The following NOP53 variants were observed in gnomAD, a reference collection of about 807,000 sequenced individuals.
NOP53 encodes NOP53 ribosome biogenesis factor.
Under a neutral mutation model 61.0 loss-of-function variants are expected in NOP53, and 40 were observed. The observed-to-expected ratio is 0.66, with a 90% CI of 0.51 to 0.85. The LOEUF (loss-of-function observed/expected upper bound fraction) is 0.85, where lower values mean the gene tolerates loss of function less well. Ranked by LOEUF, NOP53 falls within the 40% of genes least tolerant of loss-of-function variation. The probability of loss-of-function intolerance (pLI) is 0.00; values close to 1 mark genes in which losing one functional copy is unlikely to be tolerated. For synonymous variants in NOP53, 308 were observed against 289.5 expected (o/e 1.06, Z -0.65); for missense variants, 689 against 652.9 (o/e 1.06, Z -0.60).
In NOP53 at chr19:47,751,059, C is replaced by A; in HGVS notation, c.550C>A (p.Pro184Thr). ...NPSATRAKPG[P>T]QDTVERPFYD... ...TTCTGCAACAAGGGCCAAGCCCGGG[C>A]CCCAGGACACCGTAGAGCGGCCCTT... The change falls in exon 4 of 13, where the codon CCC (proline) becomes ACC (threonine). Residue 184 changes from proline to threonine, a missense_variant. Transcript: ENST00000246802. 6.2e-7 allele frequency: 1 copy of A among 1,608,424 alleles called. No homozygotes were observed. Among genetic ancestry groups the A allele is most frequent in the Non-Finnish European group, 8.5e-7 (1 of 1,178,142 alleles).
chr19:47,750,796 A>G lies in NOP53; in HGVS notation c.399-112A>G, dbSNP rs989601046. ...GGGGGCGGAGTGCCACCTTTTGGAGAGGGGGTGCTGAAGCTGCCTTAATGG... is the reference window on the plus strand; with the variant it reads ...GGGGGCGGAGTGCCACCTTTTGGAGGGGGGGTGCTGAAGCTGCCTTAATGG... On this transcript the variant is annotated intron_variant, in intron 3 of 12. Transcript: ENST00000246802. 4 of 826,878 alleles carry G rather than the reference A, an allele frequency of 4.8e-6. No individual in the cohort carries two copies. The African/African-American group carries it at 6.8e-5, about 14-fold the overall frequency. The allele number at this position is 826,878 out of a possible 1,614,324, so 51.2% of individuals were successfully genotyped here.
chr19:47,754,892 G>T lies in NOP53; in HGVS notation c.1053+1G>T. On this transcript the variant is annotated splice_donor_variant, in intron 8 of 12. Transcript: ENST00000246802. LOFTEE classifies it high-confidence loss of function. This position sits in a 1 kb window ranked among gnomAD's most constrained non-coding sequence, Gnocchi z 4.2. ...GCGGGAGAAGGCTGTGCACAGGCTGGTGAGCGCCTGGGCCAGCGGGGCCTG... is the reference window on the plus strand; with the variant it reads ...GCGGGAGAAGGCTGTGCACAGGCTGTTGAGCGCCTGGGCCAGCGGGGCCTG... 1.3e-6 allele frequency: 2 copies of T among 1,500,102 alleles called. No individual in the cohort carries two copies. Among genetic ancestry groups the T allele is most frequent in the Non-Finnish European group, 1.8e-6 (2 of 1,136,448 alleles). 92.9% of individuals were successfully genotyped at this position (1,500,102 alleles called of 1,614,324 possible). A position where few individuals can be genotyped will look rare whatever the true frequency, so the allele number is the denominator to read the frequency against.
intron 5 of NOP53, 130 bp downstream of exon 5, chr19:47,751,720 C>T (rs1181979049): frequency 2.7e-6 from 2 of 744,012 alleles, no homozygotes; most frequent in African/African-American, 1.7e-5. Flanking sequence ...GTGCTGGAGC[C>T]AGGTGGCTGG....
intron 8 of NOP53, 86 bp from the exon 9 acceptor site, chr19:47,755,262 G>T (rs1967176194): frequency 2.2e-6 from 2 of 912,056 alleles, no homozygotes; most frequent in Admixed American, 3.6e-5. Flanking sequence ...AGGCAGGTTT[G>T]TGCAGGGAAG....
Position 47,752,475 on chromosome 19 carries a change from C to A in NOP53, c.670-37C>A, listed in dbSNP as rs373684493. The stretch of plus-strand genomic sequence containing the variant: ...TGTCCTGGGTCACCCGCAGCCCCAA[C>A]GCACGGCCTTACCCTGCCTCGGCCT... On this transcript the variant is annotated intron_variant, in intron 5 of 12. Transcript: ENST00000246802. 1.2e-3 allele frequency: 1,562 copies of A among 1,314,352 alleles called. 29 individuals carry two copies. The South Asian group carries it at 0.017, about 14-fold the overall frequency. 81.4% of individuals were successfully genotyped at this position (1,314,352 alleles called of 1,614,324 possible).
intron 1 of NOP53, chr19:47,746,149 T>G: frequency 4.6e-6 from 1 of 216,736 alleles, no homozygotes; most frequent in Non-Finnish European, 9.3e-6. Flanking sequence ...TGTATATGTG[T>G]GTATATATAT....
intron 8 of NOP53, 133 bp from the exon 9 acceptor site, chr19:47,755,215 C>T (rs1348996141): frequency 2.5e-5 from 15 of 595,082 alleles, no homozygotes; most frequent in African/African-American, 4.0e-5. Flanking sequence ...CTGGAGGGGC[C>T]GCTGATGTGA....
At chr19:47,748,614 C>CTGGGTGCAG (rs2123671656) in intron 2 of NOP53, among the ~76,000 whole-genome samples, 1 of 152,232 alleles carries the variant, frequency 6.6e-6, no homozygotes, top group African/African-American at 2.4e-5. Flanking sequence ...TTATTAGAGT[C>CTGGGTGCAG]TGGGTGCAGT....
chr19:47,756,286 C>T, intron 10 of NOP53: 2 of 579,670 alleles, frequency 3.5e-6, no homozygotes, highest in South Asian at 2.2e-5. Flanking sequence ...GTCCCCTTTT[C>T]TGTGTCGTCA....
intron 2 of NOP53, 60 bp downstream of exon 2, chr19:47,747,091 A>G: frequency 7.7e-7 from 1 of 1,304,394 alleles, no homozygotes; most frequent in Non-Finnish European, 1.1e-6. Context: ...AGCTTACGGT[A>G]GCCTCTGAGA....
intron 1 of NOP53, chr19:47,746,724 A>G (rs1967069007): frequency 5.2e-6 from 2 of 382,512 alleles, no homozygotes. Flanking sequence ...GCTGCTCTTG[A>G]ACTCCTGACC....
rs1967161617 is a variant in NOP53, at chr19:47,754,444, T to G, written c.766-83T>G. 9.1e-7 allele frequency: 1 copy of G among 1,097,170 alleles called. No individual in the cohort carries two copies. The highest frequency in any genetic ancestry group is 1.6e-5 in the African/African-American group (1 of 64,304). 68.0% of individuals were successfully genotyped at this position (1,097,170 alleles called of 1,614,324 possible). A position where few individuals can be genotyped will look rare whatever the true frequency, so the allele number is the denominator to read the frequency against. On this transcript the variant is annotated intron_variant, in intron 6 of 12. Coordinates refer to ENST00000246802, the MANE Select transcript of NOP53 (RefSeq NM_015710.5). The surrounding 1 kb of genome is among the most constrained non-coding windows in gnomAD (Gnocchi z 4.2). Reference sequence around the variant, plus strand: ...CGGGGCGGGATCCACGGGCACTGGATGAGGGACAGATGGGAGGTAAGAGGG... The same window carrying G: ...CGGGGCGGGATCCACGGGCACTGGAGGAGGGACAGATGGGAGGTAAGAGGG...
chr19:47,755,831 T>C lies in NOP53; in HGVS notation c.1296+9T>C, dbSNP rs1409727853. ...CGCTCAGGACCCTGAAGGTGCTCAC[T>C]GTGTCCTGCCGTGGAGCCCCGTGCC... On this transcript the variant is annotated intron_variant, in intron 10 of 12. Transcript: ENST00000246802. The C allele has an allele frequency of 1.2e-6, 2 of 1,604,134 alleles. No individual in the cohort carries two copies. The highest frequency in any genetic ancestry group is 1.7e-6 in the Non-Finnish European group (2 of 1,174,362).
rs1415428261 is a variant in NOP53, at chr19:47,752,718, C to T, written c.765+111C>T. 15 of 702,794 alleles carry T rather than the reference C, an allele frequency of 2.1e-5. No homozygotes were observed. In the East Asian group the frequency reaches 2.9e-4, roughly 14 times the overall value. The allele number at this position is 702,794 out of a possible 1,614,324, so 43.5% of individuals were successfully genotyped here. On this transcript the variant is annotated intron_variant, in intron 6 of 12. Coordinates refer to ENST00000246802, the MANE Select transcript of NOP53 (RefSeq NM_015710.5). ...TCCAATGACCCAGACAGCCCTGGGCCTGTCCGCAACGGGGCTCACGGTCCA... is the reference window on the plus strand; with the variant it reads ...TCCAATGACCCAGACAGCCCTGGGCTTGTCCGCAACGGGGCTCACGGTCCA...
At chr19:47,751,842 C>T (rs1967128231) in intron 5 of NOP53, among the ~76,000 whole-genome samples, 1 of 152,190 alleles carries the variant, frequency 6.6e-6, no homozygotes, top group Non-Finnish European at 1.5e-5. Flanking sequence ...TGGCTCACGC[C>T]TGTAATCCCA....
intron 10 of NOP53, 22 bp from the exon 11 acceptor site, chr19:47,756,506 G>A (rs1967201439): frequency 1.2e-6 from 2 of 1,607,242 alleles, no homozygotes; most frequent in Admixed American, 3.3e-5. Flanking sequence ...GCCCTGCTGA[G>A]GCCTCCCTCT....
rs772136543 is a variant in NOP53, at chr19:47,755,988, G to T, written c.1296+166G>T. 4.3e-5 allele frequency: 26 copies of T among 609,882 alleles called. No individual in the cohort carries two copies. In the South Asian group the frequency reaches 5.0e-4, roughly 12 times the overall value. The allele number at this position is 609,882 out of a possible 1,614,324, so 37.8% of individuals were successfully genotyped here. The stretch of plus-strand genomic sequence containing the variant: ...CGGGATGCTGGGATGAGATCCCAGG[G>T]TGAGGGGCCAGGCTAAGGTTTGAGT... On this transcript the variant is annotated intron_variant, in intron 10 of 12. Coordinates refer to ENST00000246802, the MANE Select transcript of NOP53 (RefSeq NM_015710.5).
intron 4 of NOP53, 93 bp from the exon 5 acceptor site, chr19:47,751,427 C>T (rs1234052462): frequency 4.1e-6 from 4 of 964,444 alleles, no homozygotes; most frequent in Non-Finnish European, 6.6e-6. Flanking sequence ...GCTTCAGGGT[C>T]ACCTTTTTGA....
At chr19:47,749,423 G>C (rs1967099154) in intron 2 of NOP53, among the ~76,000 whole-genome samples, 1 of 152,110 alleles carries the variant, frequency 6.6e-6, no homozygotes, top group Admixed American at 6.6e-5. Context: ...GTGCTTTGTG[G>C]GCCTTAAATG....
Sources: gnomAD v4.1 joint callset for allele counts (sites outside exome capture counted in the v4.1 genomes callset) on GRCh38, gnomAD v4.1.1 for gene constraint, Gnocchi (gnomAD v3.1) non-coding constraint, MANE v1.5 for transcripts, NCBI Gene and HGNC (gene_info 2026-07-23, HGNC 2026-07-21) for gene names.